The following ANKRD30A variants were observed in gnomAD, a reference collection of about 807,000 sequenced individuals.
ANKRD30A encodes ankyrin repeat domain 30A, also known as ankyrin repeat domain-containing protein 30A.
ANKRD30A carries 170 observed loss-of-function variants against 166.3 expected under a neutral mutation model. The observed-to-expected ratio is 1.02, with a 90% confidence interval of 0.90 to 1.16. The LOEUF (loss-of-function observed/expected upper bound fraction) is 1.16, where lower values mean the gene tolerates loss of function less well. Ranked by LOEUF, ANKRD30A falls within the 50% of genes most tolerant of loss-of-function variation. The pLI is 0.00. For missense variants in ANKRD30A, 1,630 were observed against 1,518.0 expected, an observed-to-expected ratio of 1.07 and a Z score of -1.23; for synonymous variants, 564 against 508.9, an observed-to-expected ratio of 1.11 and a Z score of -1.46.
chr10:37,167,076 C>G (rs1245091606), intron 19 of ANKRD30A, among the ~76,000 whole-genome samples: 1 of 151,774 alleles, frequency 6.6e-6, no homozygotes, highest in African/African-American at 2.4e-5. Context: ...TAGGAAAGAT[C>G]GGATGCAGGG....
chr10:37,192,063 G>T (rs1468370256), intron 25 of ANKRD30A, among the ~76,000 whole-genome samples: 1 of 151,976 alleles, frequency 6.6e-6, no homozygotes, highest in Non-Finnish European at 1.5e-5. Flanking sequence ...TAGAGACAGA[G>T]TCTCGCTCTG....
intron 18 of ANKRD30A, among the ~76,000 whole-genome samples, chr10:37,165,568 G>T (rs2132608320): frequency 6.6e-6 from 1 of 152,092 alleles, no homozygotes; most frequent in East Asian, 1.9e-4. Flanking sequence ...TGTAAAAGTT[G>T]GGACCTGAAA....
intron 27 of ANKRD30A, among the ~76,000 whole-genome samples, chr10:37,193,820 TTAATGC>T (rs1249539123): frequency 2.0e-5 from 3 of 152,182 alleles, no homozygotes; most frequent in African/African-American, 7.2e-5. Context: ...TTGGTGTCTT[TTAATGC>T]TACTGTAATG....
intron 11 of ANKRD30A, among the ~76,000 whole-genome samples, chr10:37,151,510 T>C (rs1023927185): frequency 6.6e-6 from 1 of 152,094 alleles, no homozygotes; most frequent in African/African-American, 2.4e-5. Context: ...TCCTAAAACA[T>C]ATACACACCC....
intron 24 of ANKRD30A, among the ~76,000 whole-genome samples, chr10:37,179,334 C>G: frequency 6.6e-6 from 1 of 150,866 alleles, no homozygotes; most frequent in East Asian, 1.9e-4. Flanking sequence ...ATTTAAAAGT[C>G]TGTTGTAACT....
At chr10:37,136,760 G>C (rs34201748) in intron 6 of ANKRD30A, 89 bp downstream of exon 6, 35,438 of 675,570 alleles carry the variant, frequency 0.052, 1,116 homozygotes, top group Non-Finnish European at 0.058. Context: ...AAAAAGCAAT[G>C]TGTAAATAGC....
rs1295521516 is a variant in ANKRD30A at position 37,133,898 on chromosome 10, A to G, written c.618-18A>G. 1.9e-5 allele frequency: 31 copies of G among 1,612,700 alleles called. No homozygotes were observed. Among genetic ancestry groups the G allele is most frequent in the Non-Finnish European group, 2.5e-5 (30 of 1,179,436 alleles). On this transcript the variant is annotated intron_variant, in intron 4 of 35. Coordinates refer to ENST00000361713, the MANE Select transcript of ANKRD30A (RefSeq NM_052997.3). ...TGGTTCTGCTCATAATAATGAAGTT[A>G]TCTCTTTGTTATTTTAGCACAGCCC...
At chr10:37,243,390 C>T in the ANKRD30A span, among the ~76,000 whole-genome samples, 120 of 151,772 alleles carry the variant, frequency 7.9e-4, no homozygotes, top group African/African-American at 2.8e-3. Context: ...GTGATCCGCC[C>T]GCCTCGGCCT....
chr10:37,149,616 C>T (rs780293273), intron 9 of ANKRD30A, 35 bp from the exon 10 acceptor site: 2 of 1,604,330 alleles, frequency 1.2e-6, no homozygotes, highest in Non-Finnish European at 1.7e-6. Context: ...GTCATACTTA[C>T]TTATGATTGA....
intron 6 of ANKRD30A, 59 bp from the exon 7 acceptor site, chr10:37,141,659 A>T: frequency 1.3e-6 from 2 of 1,591,104 alleles, no homozygotes; most frequent in Non-Finnish European, 1.7e-6. Context: ...TGCCAGGTGA[A>T]GAGTCAGGAG....
intron 6 of ANKRD30A, among the ~76,000 whole-genome samples, chr10:37,140,414 A>G (rs1564475095): frequency 6.6e-6 from 1 of 152,364 alleles, no homozygotes; most frequent in African/African-American, 2.4e-5. Flanking sequence ...CTCAGTACCA[A>G]TAGGAAATTA....
chr10:37,154,792 GT>G (rs58620349), intron 13 of ANKRD30A, among the ~76,000 whole-genome samples: 2,158 of 152,248 alleles, frequency 0.014, 36 homozygotes, highest in African/African-American at 0.049. Context: ...ATTTAGAAAA[GT>G]TTTACTGCAG....
At chr10:37,222,932 T>C (rs576174663) in intron 34 of ANKRD30A, among the ~76,000 whole-genome samples, 2 of 151,648 alleles carry the variant, frequency 1.3e-5, no homozygotes, top group South Asian at 2.1e-4. Context: ...ATTGTGTAAA[T>C]TGAAAATATT....
chr10:37,193,653 T>TA (rs1224586771), intron 27 of ANKRD30A, among the ~76,000 whole-genome samples: 2 of 152,248 alleles, frequency 1.3e-5, no homozygotes, highest in South Asian at 2.1e-4. Flanking sequence ...TTGTGAGTGT[T>TA]ACCACTCTGA....
chr10:37,204,879 C>G (rs1007239834), intron 31 of ANKRD30A, among the ~76,000 whole-genome samples: 1 of 152,120 alleles, frequency 6.6e-6, no homozygotes, highest in Non-Finnish European at 1.5e-5. Context: ...CAGAGAAATG[C>G]AAATCAAAAC....
intron 34 of ANKRD30A, among the ~76,000 whole-genome samples, chr10:37,228,850 T>C (rs1449118732): frequency 6.6e-6 from 1 of 152,036 alleles, no homozygotes; most frequent in Admixed American, 6.6e-5. Context: ...CTATTGTCAT[T>C]TTTTAAATCA....
chr10:37,207,773 T>C (rs1842073461), intron 31 of ANKRD30A, among the ~76,000 whole-genome samples: 1 of 152,006 alleles, frequency 6.6e-6, no homozygotes, highest in Non-Finnish European at 1.5e-5. Context: ...TCCATGTCTG[T>C]ATAATTCATT....
the ANKRD30A span, among the ~76,000 whole-genome samples, chr10:37,243,526 T>C: frequency 2.0e-5 from 3 of 152,082 alleles, no homozygotes; most frequent in Admixed American, 6.6e-5. Context: ...GAGGGTCAAT[T>C]GCATTTGTAA....
At chr10:37,231,421 A>G (rs755790993) in intron 34 of ANKRD30A, 40 bp from the exon 35 acceptor site, 43 of 1,555,162 alleles carry the variant, frequency 2.8e-5, no homozygotes, top group Non-Finnish European at 3.7e-5. Context: ...ATGTAGGAAA[A>G]AATAAAATAC....
Sources: allele counts gnomAD v4.1 joint callset (sites outside exome capture counted in the v4.1 genomes callset), GRCh38; gene constraint gnomAD v4.1.1; transcripts MANE v1.5; gene names NCBI Gene and HGNC (gene_info 2026-07-23, HGNC 2026-07-21).